The following CSMD1 variants were observed in gnomAD, a reference collection of about 807,000 sequenced individuals.
CSMD1 encodes the protein CUB and Sushi multiple domains 1.
A neutral mutation model predicts 417.5 loss-of-function variants in CSMD1; 213 were observed. The ratio of observed to expected loss-of-function variants is 0.51; its 90% CI spans 0.46 to 0.57. CSMD1 has a LOEUF of 0.57. Among genes scored for constraint, CSMD1 ranks in the 20% least tolerant of loss-of-function variants. The probability of loss-of-function intolerance (pLI) is 0.00; values close to 1 mark genes in which losing one functional copy is unlikely to be tolerated. For missense variants in CSMD1, 6,923 were observed against 4,529.7 expected (o/e 1.53, Z -15.17); for synonymous variants, 2,862 against 1,736.8 (o/e 1.65, Z -16.11).
At chr8:4,518,909 C>A (rs1174172673) in intron 2 of CSMD1, among the ~76,000 whole-genome samples, 1 of 152,214 alleles carries the variant, frequency 6.6e-6, no homozygotes, top group Non-Finnish European at 1.5e-5. Context: ...CCCATAAAAT[C>A]GTGTCATGAG....
intron 1 of CSMD1, among the ~76,000 whole-genome samples, chr8:4,716,793 G>T (rs1050129443): frequency 1.3e-5 from 2 of 152,074 alleles, no homozygotes; most frequent in Non-Finnish European, 2.9e-5. Context: ...TCAGTGTCTC[G>T]CCTTTTTCCT....
intron 10 of CSMD1, among the ~76,000 whole-genome samples, chr8:3,520,644 T>A (rs1474447798): frequency 1.3e-5 from 2 of 152,136 alleles, no homozygotes; most frequent in African/African-American, 4.8e-5. Context: ...TTCACCTGCA[T>A]CTCCGGGTCC....
At chr8:4,731,145 A>G (rs769524326) in intron 1 of CSMD1, among the ~76,000 whole-genome samples, 3 of 152,228 alleles carry the variant, frequency 2.0e-5, no homozygotes, top group Non-Finnish European at 4.4e-5. Flanking sequence ...GGCTTCGAGT[A>G]GCATTTAACT....
intron 1 of CSMD1, among the ~76,000 whole-genome samples, chr8:4,706,306 G>T (rs932609472): frequency 1.3e-5 from 2 of 151,858 alleles, no homozygotes; most frequent in Admixed American, 6.6e-5. Flanking sequence ...TGTACCCCAT[G>T]AAATAAGAAA....
chr8:3,238,329 C>G (rs1372167234), intron 26 of CSMD1, among the ~76,000 whole-genome samples: 1 of 152,024 alleles, frequency 6.6e-6, no homozygotes. Flanking sequence ...TCAGTTAAGG[C>G]AGGAACTGGC....
intron 10 of CSMD1, among the ~76,000 whole-genome samples, chr8:3,513,572 C>T (rs984702181): frequency 6.6e-6 from 1 of 152,134 alleles, no homozygotes; most frequent in Non-Finnish European, 1.5e-5. Context: ...TTGGGAGAAT[C>T]CTGATTAATA....
chr8:4,386,468 A>G (rs78048504), intron 3 of CSMD1, among the ~76,000 whole-genome samples: 2,386 of 152,308 alleles, frequency 0.016, 53 homozygotes, highest in African/African-American at 0.052. Flanking sequence ...ATGTCCATCA[A>G]AACCACCTTA....
chr8:3,139,614 A>C (rs1260283879), intron 41 of CSMD1, among the ~76,000 whole-genome samples: 1 of 152,192 alleles, frequency 6.6e-6, no homozygotes. Context: ...ATGTTTACAT[A>C]AGTTTTCTGG....
chr8:4,209,305 C>G (rs554981704), intron 3 of CSMD1, among the ~76,000 whole-genome samples: 1 of 152,136 alleles, frequency 6.6e-6, no homozygotes, highest in Admixed American at 6.5e-5. Context: ...TTCAGTGGTT[C>G]CCATCTATGA....
intron 5 of CSMD1, among the ~76,000 whole-genome samples, chr8:3,895,901 A>G (rs779228775): frequency 1.3e-5 from 2 of 152,190 alleles, no homozygotes; most frequent in African/African-American, 2.4e-5. Flanking sequence ...GAAACTCTGT[A>G]TGCACACTCA....
intron 2 of CSMD1, among the ~76,000 whole-genome samples, chr8:4,460,941 C>G (rs1435004055): frequency 2.0e-5 from 3 of 152,044 alleles, no homozygotes; most frequent in Admixed American, 1.3e-4. Context: ...ACCCCAATAT[C>G]AAAGCCAGAC....
chr8:3,524,100 G>C (rs988988064), intron 10 of CSMD1, among the ~76,000 whole-genome samples: 1 of 139,748 alleles, frequency 7.2e-6, no homozygotes, highest in Admixed American at 7.2e-5. Flanking sequence ...TGCACACCCA[G>C]AGAGACATAT....
At chr8:3,583,279 G>C (rs759199834) in intron 9 of CSMD1, among the ~76,000 whole-genome samples, 51 of 151,902 alleles carry the variant, frequency 3.4e-4, no homozygotes, top group Non-Finnish European at 5.4e-4. Context: ...TGGACATGAG[G>C]TGTTGCTGAA....
intron 2 of CSMD1, among the ~76,000 whole-genome samples, chr8:4,459,983 G>C (rs73178977): frequency 2.0e-5 from 3 of 152,052 alleles, no homozygotes; most frequent in East Asian, 3.9e-4. Context: ...ATGACCATCA[G>C]ACTAGACAAC....
chr8:3,886,075 G>C (rs185259263), intron 5 of CSMD1, among the ~76,000 whole-genome samples: 196 of 151,912 alleles, frequency 1.3e-3, no homozygotes, highest in African/African-American at 2.0e-3. Flanking sequence ...TTTTGAGACA[G>C]ACTCTTGCTC....
At chr8:4,013,762 T>C (rs1045241877) in intron 4 of CSMD1, among the ~76,000 whole-genome samples, 11 of 152,216 alleles carry the variant, frequency 7.2e-5, no homozygotes, top group African/African-American at 2.4e-4. Context: ...TTCAGTCCAG[T>C]ATCTGGTTTT....
intron 49 of CSMD1, among the ~76,000 whole-genome samples, chr8:3,076,038 G>C (rs193217854): frequency 3.4e-5 from 5 of 149,138 alleles, no homozygotes; most frequent in South Asian, 4.2e-4. Flanking sequence ...GCGACAGAGC[G>C]AGACTCCGTC....
At position 4,884,512 on chromosome 8, in the gene CSMD1, G is replaced by C. The variant is rs535800224; in HGVS notation, c.85+109820C>G. Among the ~76,000 whole-genome samples the C allele has an allele frequency of 6.6e-5, 10 of 152,030 alleles. No homozygotes were observed. The South Asian group carries it at 2.1e-3, about 32-fold the overall frequency. ...TCTTTGTAAGGATTTTATAATTTTAGCTCTTTCATTTAGGTCCTTTTTGAG... is the reference window on the plus strand; with the variant it reads ...TCTTTGTAAGGATTTTATAATTTTACCTCTTTCATTTAGGTCCTTTTTGAG... On this transcript the variant is annotated intron_variant, in intron 1 of 69. Transcript: ENST00000635120.
intron 10 of CSMD1, among the ~76,000 whole-genome samples, chr8:3,562,002 T>G (rs1294767478): frequency 2.6e-5 from 4 of 152,106 alleles, no homozygotes; most frequent in Admixed American, 6.6e-5. Flanking sequence ...TCAGAAACTT[T>G]GTGAAGGAGG....
Sources: gnomAD v4.1 joint callset for allele counts (sites outside exome capture counted in the v4.1 genomes callset) on GRCh38, gnomAD v4.1.1 for gene constraint, MANE v1.5 for transcripts, NCBI Gene and HGNC (gene_info 2026-07-23, HGNC 2026-07-21) for gene names.